TRIM51G: variants seen among roughly 807,000 people sequenced by gnomAD.
TRIM51G encodes tripartite motif-containing protein 51G.
the TRIM51G span, among the ~76,000 whole-genome samples, chr11:48,976,659 T>C: frequency 1.3e-5 from 2 of 152,102 alleles, no homozygotes; most frequent in African/African-American, 2.4e-5. Flanking sequence ...ATAATATATA[T>C]TTATTGTAAG....
chr11:48,977,858 CTTTA>C, the TRIM51G span, among the ~76,000 whole-genome samples: 3 of 150,866 alleles, frequency 2.0e-5, no homozygotes, highest in Non-Finnish European at 4.4e-5. Flanking sequence ...TGCTCACTTC[CTTTA>C]TTTCTTTCAT....
chr11:48,976,501 A>G, the TRIM51G span, among the ~76,000 whole-genome samples: 1 of 152,142 alleles, frequency 6.6e-6, no homozygotes, highest in Admixed American at 6.6e-5. Context: ...CTCTGCAGAC[A>G]TCCCTGCTAG....
chr11:48,975,632 C>T, the TRIM51G span: 1 of 1,410,494 alleles, frequency 7.1e-7, no homozygotes, highest in Non-Finnish European at 1.0e-6. Context: ...AATAATCCTA[C>T]TGTGTCTGTA....
At chr11:48,982,477 G>C in the TRIM51G span, among the ~76,000 whole-genome samples, 5,766 of 152,028 alleles carry the variant, frequency 0.038, 180 homozygotes, top group Middle Eastern at 0.099. Context: ...GAAGGTGTTT[G>C]CAGAGAGACA....
chr11:48,982,956 CATATATATATATAT>C, the TRIM51G span, among the ~76,000 whole-genome samples: 1 of 33,050 alleles, frequency 3.0e-5, no homozygotes, highest in African/African-American at 1.0e-4. Flanking sequence ...GGTATATATA[CATATATATATATAT>C]ATATATATAT....
At chr11:48,982,986 T>TATATAG in the TRIM51G span, among the ~76,000 whole-genome samples, 1 of 108,496 alleles carries the variant, frequency 9.2e-6, no homozygotes, top group African/African-American at 3.3e-5. Context: ...TATATATATA[T>TATATAG]AGTTATGTAC....
chr11:48,982,667 G>A, the TRIM51G span, among the ~76,000 whole-genome samples: 10 of 151,774 alleles, frequency 6.6e-5, no homozygotes, highest in Admixed American at 6.6e-4. Flanking sequence ...CTTAATGACA[G>A]CCTGTGTTCA....
chr11:48,983,841 A>C, the TRIM51G span, among the ~76,000 whole-genome samples: 1 of 152,038 alleles, frequency 6.6e-6, no homozygotes, highest in African/African-American at 2.4e-5. Flanking sequence ...TTGACTTTCC[A>C]AGGTCACCTG....
the TRIM51G span, chr11:48,975,760 C>T: frequency 6.4e-7 from 1 of 1,564,354 alleles, no homozygotes; most frequent in South Asian, 1.1e-5. Context: ...GTCATTCTGT[C>T]TCTTCTCTTT....
chr11:48,976,084 T>A, the TRIM51G span: 1 of 374,394 alleles, frequency 2.7e-6, no homozygotes, highest in South Asian at 2.2e-5. Flanking sequence ...ACCAAGAATT[T>A]ACTTTGCCAA....
At chr11:48,981,123 T>C in the TRIM51G span, 2 of 1,238,712 alleles carry the variant, frequency 1.6e-6, no homozygotes, top group Admixed American at 2.3e-5. Flanking sequence ...TTGCTTTGTT[T>C]CTCCTCATGT....
chr11:48,977,282 C>G, the TRIM51G span: 1 of 611,762 alleles, frequency 1.6e-6, no homozygotes, highest in East Asian at 3.2e-5. Flanking sequence ...CCCTTTAACC[C>G]ACACATTTGC....
chr11:48,980,385 C>T, the TRIM51G span, among the ~76,000 whole-genome samples: 40 of 152,216 alleles, frequency 2.6e-4, no homozygotes, highest in Middle Eastern at 6.8e-3. Flanking sequence ...ACATTTCTCA[C>T]CACTTTTCCC....
the TRIM51G span, chr11:48,975,645 T>A: frequency 7.0e-7 from 1 of 1,419,458 alleles, no homozygotes; most frequent in Non-Finnish European, 1.0e-6. Flanking sequence ...TGTCTGTAGG[T>A]CTTGGAACAT....
At chr11:48,977,766 T>G in the TRIM51G span, among the ~76,000 whole-genome samples, 120,940 of 151,876 alleles carry the variant, frequency 0.8, 48,413 homozygotes, top group Non-Finnish European at 0.81. Context: ...CTGGTTTACT[T>G]TGTAGCCATG....
chr11:48,981,640 A>C, the TRIM51G span: 1 of 1,599,652 alleles, frequency 6.3e-7, no homozygotes, highest in African/African-American at 1.3e-5. Flanking sequence ...GAAGTAGTTC[A>C]TGCAGATGGG....
At chr11:48,980,709 A>C in the TRIM51G span, among the ~76,000 whole-genome samples, 1 of 152,166 alleles carries the variant, frequency 6.6e-6, no homozygotes, top group Non-Finnish European at 1.5e-5. Flanking sequence ...CTTGGGTAAC[A>C]TCTGTGGTCT....
At chr11:48,975,809 A>G in the TRIM51G span, 5 of 1,500,624 alleles carry the variant, frequency 3.3e-6, no homozygotes, top group Non-Finnish European at 2.8e-6. Context: ...CAATTCCAAG[A>G]GTGCCCCATG....
At chr11:48,976,206 A>C in the TRIM51G span, among the ~76,000 whole-genome samples, 1 of 152,154 alleles carries the variant, frequency 6.6e-6, no homozygotes, top group South Asian at 2.1e-4. Flanking sequence ...AGACATTGAA[A>C]ATTTATTGAA....
Sources: allele counts gnomAD v4.1 joint callset (sites outside exome capture counted in the v4.1 genomes callset), GRCh38; gene constraint gnomAD v4.1.1; transcripts MANE v1.5; gene names NCBI Gene and HGNC (gene_info 2026-07-23, HGNC 2026-07-21).